SLC9A7: variants seen among roughly 807,000 people sequenced by gnomAD.
SLC9A7 encodes the protein sodium/hydrogen exchanger 7.
A neutral mutation model predicts 52.6 loss-of-function variants in SLC9A7; 19 were observed. The observed-to-expected ratio is 0.36, with a 90% CI of 0.25 to 0.53. SLC9A7 has a LOEUF of 0.53. Ranked by LOEUF, SLC9A7 falls within the 20% of genes least tolerant of loss-of-function variation. The pLI is 0.91. For synonymous variants in SLC9A7, 226 were observed against 252.1 expected (o/e 0.90, Z 0.98); for missense variants, 455 against 597.9 (o/e 0.76, Z 2.49).
At chrX:46,677,366 A>G (rs1481465361) in intron 3 of SLC9A7, among the ~76,000 whole-genome samples, 1 of 112,181 alleles carries the variant, frequency 8.9e-6, no homozygotes, top group Non-Finnish European at 1.9e-5. Flanking sequence ...TTCATGAGGT[A>G]GGTTGTAAGC....
intron 1 of SLC9A7, among the ~76,000 whole-genome samples, chrX:46,737,556 T>TG (rs1258765791): frequency 8.9e-6 from 1 of 112,193 alleles, no homozygotes; most frequent in Non-Finnish European, 1.9e-5. Flanking sequence ...TTTGTAATGA[T>TG]GACAGCTCTG....
intron 3 of SLC9A7, among the ~76,000 whole-genome samples, chrX:46,676,690 C>T (rs1944123746): frequency 8.9e-6 from 1 of 111,792 alleles, no homozygotes; most frequent in African/African-American, 3.3e-5. Context: ...TTCCCAAATT[C>T]TCCACTTACG....
intron 1 of SLC9A7, among the ~76,000 whole-genome samples, chrX:46,731,014 AG>A (rs1217017328): frequency 1.8e-5 from 2 of 109,163 alleles, no homozygotes; most frequent in Admixed American, 1.0e-4. Flanking sequence ...AAGAAGAACC[AG>A]GAAGACTCAG....
chrX:46,672,653 C>T, intron 3 of SLC9A7, 26 bp from the exon 4 acceptor site: 37 of 1,068,053 alleles, frequency 3.5e-5, no homozygotes, highest in Non-Finnish European at 4.8e-5. Flanking sequence ...AAACAAAACC[C>T]AGGAATCACA....
At chrX:46,730,670 T>TTATATATATATA (rs57157177) in intron 1 of SLC9A7, among the ~76,000 whole-genome samples, 1,447 of 42,517 alleles carry the variant, frequency 0.034, 138 homozygotes, top group Non-Finnish European at 0.049. Flanking sequence ...AAAAAAAAAA[T>TTATATATATATA]TATATATATA....
intron 5 of SLC9A7, among the ~76,000 whole-genome samples, chrX:46,664,478 A>T: frequency 8.9e-6 from 1 of 112,005 alleles, no homozygotes; most frequent in African/African-American, 3.2e-5. Context: ...AATTGATACA[A>T]TTAGAAAACC....
intron 1 of SLC9A7, among the ~76,000 whole-genome samples, chrX:46,752,523 A>G (rs1173866586): frequency 9.0e-5 from 10 of 111,083 alleles, no homozygotes; most frequent in Non-Finnish European, 1.9e-5. Context: ...ATCATCCCAT[A>G]TATTGGATTT....
intron 1 of SLC9A7, among the ~76,000 whole-genome samples, chrX:46,732,130 G>A (rs1460736927): frequency 9.0e-6 from 1 of 111,443 alleles, no homozygotes; most frequent in African/African-American, 3.3e-5. Flanking sequence ...GGAGGCTGAA[G>A]CATAAGAATC....
At chrX:46,736,255 G>A (rs749578970) in intron 1 of SLC9A7, among the ~76,000 whole-genome samples, 2 of 111,797 alleles carry the variant, frequency 1.8e-5, no homozygotes, top group African/African-American at 6.5e-5. Flanking sequence ...ATTTGTTACT[G>A]TATTTTTTGT....
intron 14 of SLC9A7, 50 bp from the exon 15 acceptor site, chrX:46,621,109 A>C: frequency 1.2e-6 from 1 of 860,017 alleles, no homozygotes; most frequent in Non-Finnish European, 1.7e-6. Flanking sequence ...AGGGATCTCA[A>C]AGAAAGGGGA....
At chrX:46,634,890 G>A (rs1255509106) in intron 13 of SLC9A7, among the ~76,000 whole-genome samples, 1 of 110,884 alleles carries the variant, frequency 9.0e-6, no homozygotes, top group African/African-American at 3.3e-5. Flanking sequence ...TATCAGCACC[G>A]AGAATCAGAT....
intron 1 of SLC9A7, among the ~76,000 whole-genome samples, chrX:46,690,431 GGTT>G (rs1694817353): frequency 8.9e-6 from 1 of 111,818 alleles, no homozygotes; most frequent in Non-Finnish European, 1.9e-5. Flanking sequence ...TTAAAAACTG[GGTT>G]GTTTTCTTAT....
intron 1 of SLC9A7, among the ~76,000 whole-genome samples, chrX:46,683,969 A>G (rs910690530): frequency 5.4e-5 from 6 of 112,106 alleles, no homozygotes; most frequent in Admixed American, 2.8e-4. Context: ...TGAATAGCAA[A>G]TAAAATATAA....
At chrX:46,754,926 A>C (rs1922528929) in intron 1 of SLC9A7, among the ~76,000 whole-genome samples, 1 of 112,445 alleles carries the variant, frequency 8.9e-6, no homozygotes, top group South Asian at 3.7e-4. Flanking sequence ...ATGGCACTTA[A>C]TCACATAACA....
chrX:46,637,883 A>G (rs2146743811), intron 12 of SLC9A7, among the ~76,000 whole-genome samples: 1 of 112,790 alleles, frequency 8.9e-6, no homozygotes, highest in South Asian at 3.6e-4. Flanking sequence ...GAAAGCAGTG[A>G]CCTGGCTTTG....
intron 1 of SLC9A7, among the ~76,000 whole-genome samples, chrX:46,708,637 T>A (rs993727201): frequency 1.8e-5 from 2 of 112,262 alleles, no homozygotes; most frequent in Non-Finnish European, 3.8e-5. Flanking sequence ...AGGCGTTGTG[T>A]TCTAGCACCA....
intron 1 of SLC9A7, among the ~76,000 whole-genome samples, chrX:46,689,731 G>A (rs766646139): frequency 4.6e-5 from 5 of 108,716 alleles, no homozygotes; most frequent in African/African-American, 6.7e-5. Flanking sequence ...GTTAAGCCCC[G>A]CATGCATTAG....
At chrX:46,694,956 C>T (rs773961380) in intron 1 of SLC9A7, among the ~76,000 whole-genome samples, 24 of 112,195 alleles carry the variant, frequency 2.1e-4, no homozygotes, top group South Asian at 7.4e-4. Flanking sequence ...AGCATACATG[C>T]TCAGTGAAAG....
chrX:46,758,360 C>T (rs1270213048), intron 1 of SLC9A7, among the ~76,000 whole-genome samples: 2 of 111,947 alleles, frequency 1.8e-5, no homozygotes, highest in Non-Finnish European at 3.8e-5. Context: ...CACCTCCAGC[C>T]ACCACGCAGG....
Sources: gnomAD v4.1 joint callset for allele counts (sites outside exome capture counted in the v4.1 genomes callset) on GRCh38, gnomAD v4.1.1 for gene constraint, MANE v1.5 for transcripts, NCBI Gene and HGNC (gene_info 2026-07-23, HGNC 2026-07-21) for gene names.